NSG2: variants seen among roughly 807,000 people sequenced by gnomAD.
NSG2 encodes the protein neuronal vesicle trafficking associated 2.
Under a neutral mutation model 16.9 loss-of-function variants are expected in NSG2, and 4 were observed. The observed-to-expected ratio is 0.24, with a 90% confidence interval of 0.12 to 0.54. The LOEUF (loss-of-function observed/expected upper bound fraction) is 0.54. Ranked by LOEUF, NSG2 falls within the 20% of genes least tolerant of loss-of-function variation. NSG2 has a pLI of 0.95. For synonymous variants in NSG2, 98 were observed against 88.7 expected (o/e 1.11, Z -0.59); for missense variants, 179 against 221.1 (o/e 0.81, Z 1.21).
chr5:174,070,906 G>C (rs1252012779), intron 3 of NSG2, among the ~76,000 whole-genome samples: 1 of 152,224 alleles, frequency 6.6e-6, no homozygotes, highest in Admixed American at 6.5e-5. Context: ...AGCAGGCTTT[G>C]GGTGTGTTGC....
intron 3 of NSG2, among the ~76,000 whole-genome samples, chr5:174,096,198 C>T (rs987192618): frequency 2.0e-5 from 3 of 152,200 alleles, no homozygotes; most frequent in Non-Finnish European, 4.4e-5. Context: ...AAGTATTACC[C>T]CACACTGTGT....
intron 2 of NSG2, among the ~76,000 whole-genome samples, chr5:174,063,759 T>C (rs1272050791): frequency 1.3e-5 from 2 of 152,124 alleles, no homozygotes; most frequent in African/African-American, 2.4e-5. Context: ...TAACCAAAAC[T>C]GGAGGCAACC....
chr5:174,078,904 A>G (rs1360111790), intron 3 of NSG2, among the ~76,000 whole-genome samples: 1 of 152,132 alleles, frequency 6.6e-6, no homozygotes, highest in Non-Finnish European at 1.5e-5. Flanking sequence ...TATCCAGTCT[A>G]TGGTATTTTC....
chr5:174,046,947 G>A, intron 2 of NSG2, 63 bp downstream of exon 2: 3 of 1,566,138 alleles, frequency 1.9e-6, no homozygotes, highest in East Asian at 2.3e-5. Flanking sequence ...AAATAAAGCA[G>A]CAAAAAATTC....
At chr5:174,097,161 C>T (rs1264442518) in intron 3 of NSG2, among the ~76,000 whole-genome samples, 9 of 152,060 alleles carry the variant, frequency 5.9e-5, no homozygotes, top group East Asian at 1.9e-4. Context: ...ACTGTAGTCC[C>T]GGCACATCTT....
chr5:174,047,192 T>A (rs1225405574), intron 2 of NSG2, among the ~76,000 whole-genome samples: 1 of 152,214 alleles, frequency 6.6e-6, no homozygotes, highest in Non-Finnish European at 1.5e-5. Flanking sequence ...AGAAAATTCA[T>A]CTTGATTATT....
chr5:174,103,722 G>A (rs1235617152), intron 3 of NSG2, among the ~76,000 whole-genome samples: 1 of 152,180 alleles, frequency 6.6e-6, no homozygotes, highest in Admixed American at 6.5e-5. Context: ...CGAAGCAGGT[G>A]GATCACCTGA....
At chr5:174,080,991 T>C (rs1169394934) in intron 3 of NSG2, among the ~76,000 whole-genome samples, 2 of 152,182 alleles carry the variant, frequency 1.3e-5, no homozygotes, top group Non-Finnish European at 2.9e-5. Context: ...TACCTGTTTT[T>C]TTTTTGTTGT....
intron 3 of NSG2, among the ~76,000 whole-genome samples, chr5:174,090,769 T>G (rs1177130616): frequency 2.0e-5 from 3 of 152,172 alleles, no homozygotes; most frequent in Non-Finnish European, 2.9e-5. Context: ...GGTAGCAAAT[T>G]GAGCACGGGG....
At chr5:174,050,773 C>G (rs1007285634) in intron 2 of NSG2, among the ~76,000 whole-genome samples, 1 of 152,108 alleles carries the variant, frequency 6.6e-6, no homozygotes, top group African/African-American at 2.4e-5. Context: ...GTGCTCTCTC[C>G]CTGCCTGGTG....
At chr5:174,071,658 A>C (rs1379462863) in intron 3 of NSG2, among the ~76,000 whole-genome samples, 2 of 152,204 alleles carry the variant, frequency 1.3e-5, no homozygotes, top group Non-Finnish European at 2.9e-5. Flanking sequence ...CCTGCCTGTG[A>C]CTAGCACTTT....
intron 2 of NSG2, 29 bp downstream of exon 2, chr5:174,046,913 C>A (rs761482075): frequency 6.2e-7 from 1 of 1,606,660 alleles, no homozygotes; most frequent in Non-Finnish European, 8.5e-7. Context: ...CTCTCATCAG[C>A]CCCCAGGCTC....
chr5:174,082,605 T>C (rs1006016669), intron 3 of NSG2: 3 of 152,254 alleles, frequency 2.0e-5, no homozygotes, highest in African/African-American at 7.2e-5. Flanking sequence ...CTCACTTCTC[T>C]TCCATGAATT....
At chr5:174,053,503 C>T (rs66840575) in intron 2 of NSG2, among the ~76,000 whole-genome samples, 21,299 of 152,002 alleles carry the variant, frequency 0.14, 2,087 homozygotes, top group African/African-American at 0.27. Flanking sequence ...CTGGGCTTTC[C>T]GCAGTGTTTC....
chr5:174,082,089 C>G (rs1463752158), intron 3 of NSG2, among the ~76,000 whole-genome samples: 1 of 152,134 alleles, frequency 6.6e-6, no homozygotes, highest in Non-Finnish European at 1.5e-5. Context: ...AAATAAATTT[C>G]ATTTGTACCC....
chr5:174,062,596 A>G (rs970268166), intron 2 of NSG2: 1 of 152,178 alleles, frequency 6.6e-6, no homozygotes. Flanking sequence ...CAGATTGCAA[A>G]GAGGGCAGGA....
intron 3 of NSG2, among the ~76,000 whole-genome samples, chr5:174,065,338 A>C (rs961477069): frequency 6.6e-6 from 1 of 152,054 alleles, no homozygotes; most frequent in Non-Finnish European, 1.5e-5. Context: ...AAAAAAAAAA[A>C]AAGAAATAAG....
At chr5:174,074,872 C>G (rs868202823) in intron 3 of NSG2, among the ~76,000 whole-genome samples, 2 of 151,986 alleles carry the variant, frequency 1.3e-5, no homozygotes, top group Non-Finnish European at 2.9e-5. Flanking sequence ...TGACTCCCCA[C>G]TTTCATACCT....
rs1760255991 is a variant in NSG2 at position 174,072,186 on chromosome 5, T to C, written c.213+7871T>C. 1.3e-5 allele frequency among the ~76,000 whole-genome samples: 2 copies of C among 152,136 alleles called. No homozygotes were observed. The highest frequency in any genetic ancestry group is 2.4e-5 in the African/African-American group (1 of 41,434). ...CCCACATCACCACCTGTCCCAGCCCTCTCCCTGATCCCTGGCCCCTTTCCT... is the reference window on the plus strand; with the variant it reads ...CCCACATCACCACCTGTCCCAGCCCCCTCCCTGATCCCTGGCCCCTTTCCT... On this transcript the variant is annotated intron_variant, in intron 3 of 4. Transcript: ENST00000303177. The surrounding 1 kb of genome is among the most constrained non-coding windows in gnomAD (Gnocchi z 4.0).
Sources: gnomAD v4.1 joint callset for allele counts (sites outside exome capture counted in the v4.1 genomes callset) on GRCh38, gnomAD v4.1.1 for gene constraint, Gnocchi (gnomAD v3.1) non-coding constraint, MANE v1.5 for transcripts, NCBI Gene and HGNC (gene_info 2026-07-23, HGNC 2026-07-21) for gene names.